Variants in PAQR5 observed in about 807,000 individuals in gnomAD.
The protein encoded by PAQR5 is progestin and adipoQ receptor family member 5, also known as membrane progestin receptor gamma.
A neutral mutation model predicts 34.5 loss-of-function variants in PAQR5; 20 were observed. The ratio of observed to expected loss-of-function variants is 0.58; its 90% CI spans 0.41 to 0.84. The LOEUF is 0.84. PAQR5 is among the 40% of genes least tolerant of loss of function. PAQR5 has a pLI of 0.00. For missense variants in PAQR5, 378 were observed against 412.7 expected, an observed-to-expected ratio of 0.92 and a Z score of 0.73; for synonymous variants, 131 against 155.6, an observed-to-expected ratio of 0.84 and a Z score of 1.18.
At chr15:69,394,101 GTTTTT>G (rs549479900) in intron 6 of PAQR5, among the ~76,000 whole-genome samples, 1 of 138,646 alleles carries the variant, frequency 7.2e-6, no homozygotes, top group Non-Finnish European at 1.5e-5. Context: ...ACCATTGATT[GTTTTT>G]TTTTTGTTTT....
chr15:69,302,710 A>G (rs11633153), intron 1 of PAQR5, among the ~76,000 whole-genome samples: 69,950 of 151,654 alleles, frequency 0.46, 18,905 homozygotes, highest in Middle Eastern at 0.62. Context: ...ACCTGGGGTT[A>G]GTCAGTTCTG....
At chr15:69,314,420 G>A (rs1432143961) in intron 1 of PAQR5, 1 of 152,144 alleles carries the variant, frequency 6.6e-6, no homozygotes, top group East Asian at 1.9e-4. Context: ...CAAGACCATG[G>A]CCTCTGGACC....
At chr15:69,380,538 G>A (rs902981192) in intron 4 of PAQR5, among the ~76,000 whole-genome samples, 34 of 152,196 alleles carry the variant, frequency 2.2e-4, no homozygotes, top group African/African-American at 8.2e-4. Context: ...GGAGGCACTT[G>A]GTCAGGCAGC....
chr15:69,400,121 TG>T lies in PAQR5; in HGVS notation c.751+9del. The T allele has an allele frequency of 6.2e-7, 1 of 1,610,910 alleles. No individual in the cohort carries two copies. Among genetic ancestry groups the T allele is most frequent in the Non-Finnish European group, 8.5e-7 (1 of 1,178,428 alleles). On this transcript the variant is annotated splice_region_variant and intron_variant, in intron 8 of 8. Coordinates refer to ENST00000395407, the MANE Select transcript of PAQR5 (RefSeq NM_017705.4). Reference sequence around the variant, plus strand: ...TGGACGCTTTGACTACATCGGTGAGTGGGCAACAGCCCTGCTGCTCTGCTCA... The same window carrying T: ...TGGACGCTTTGACTACATCGGTGAGTGGCAACAGCCCTGCTGCTCTGCTCA...
chr15:69,381,984 A>T (rs2055896527), intron 4 of PAQR5, among the ~76,000 whole-genome samples: 1 of 152,084 alleles, frequency 6.6e-6, no homozygotes. Flanking sequence ...TCATGCGTGG[A>T]TTGTAGGCCA....
At chr15:69,327,297 G>A (rs776823501) in intron 1 of PAQR5, among the ~76,000 whole-genome samples, 12 of 152,024 alleles carry the variant, frequency 7.9e-5, no homozygotes, top group Admixed American at 3.9e-4. Flanking sequence ...CACCACATGC[G>A]GATTGTTTTG....
At chr15:69,300,862 T>G (rs1253898351) in intron 1 of PAQR5, among the ~76,000 whole-genome samples, 939 of 21,232 alleles carry the variant, frequency 0.044, 277 homozygotes, top group African/African-American at 0.12. Context: ...TCTTTCTTTC[T>G]TTCTTTCTTT....
At chr15:69,309,250 G>A (rs1217469606) in intron 1 of PAQR5, among the ~76,000 whole-genome samples, 1 of 152,206 alleles carries the variant, frequency 6.6e-6, no homozygotes, top group Non-Finnish European at 1.5e-5. Flanking sequence ...GATGGAGAAC[G>A]AGTTCCAAGA....
In PAQR5 at chr15:69,389,763, C is replaced by A. The variant is rs778337025; in HGVS notation, c.495C>A (p.Gly165=). 1 of 1,614,034 alleles carries A rather than the reference C, an allele frequency of 6.2e-7. No individual in the cohort carries two copies. The highest frequency in any genetic ancestry group is 1.3e-5 in the African/African-American group (1 of 74,916). Residue 165 remains glycine, a synonymous_variant, in exon 6 of 9, where the codon GGC becomes GGA. Transcript: ENST00000395407. ...LAVLNTILST[G]LSCYSRFLEI... is the part of the protein sequence containing the mutation. ...TACTGAACACCATCCTCAGCACAGGCCTCTCCTGCTACTCCAGGTACTGGT... is the reference window on the plus strand; with the variant it reads ...TACTGAACACCATCCTCAGCACAGGACTCTCCTGCTACTCCAGGTACTGGT...
At position 69,360,074 on chromosome 15, in the gene PAQR5, C is replaced by G. The variant is rs1466519320; in HGVS notation, c.-7C>G. ...TCACCTACTGGCCTTGCCAATCCAGCTCCAAGATGCTGAGCCTGAAGCTCC... is the reference window on the plus strand; with the variant it reads ...TCACCTACTGGCCTTGCCAATCCAGGTCCAAGATGCTGAGCCTGAAGCTCC... On this transcript the variant is annotated 5_prime_UTR_variant, in exon 3 of 9. Transcript: ENST00000395407. 6.2e-7 allele frequency: 1 copy of G among 1,613,296 alleles called. No individual in the cohort carries two copies. The highest frequency in any genetic ancestry group is 8.5e-7 in the Non-Finnish European group (1 of 1,179,326).
chr15:69,317,457 C>A (rs914791022), intron 1 of PAQR5, among the ~76,000 whole-genome samples: 3 of 152,194 alleles, frequency 2.0e-5, no homozygotes, highest in Non-Finnish European at 4.4e-5. Flanking sequence ...CCGGTCCACC[C>A]CCCTACCCAG....
intron 3 of PAQR5, among the ~76,000 whole-genome samples, chr15:69,372,249 A>G (rs533624736): frequency 6.6e-6 from 1 of 152,318 alleles, no homozygotes; most frequent in South Asian, 2.1e-4. Flanking sequence ...TGCACGTAAA[A>G]AAAGCATTCT....
In PAQR5 at chr15:69,397,527, A is replaced by C; in HGVS notation, c.572A>C (p.Tyr191Ser). 1 of 1,613,568 alleles carries C rather than the reference A, an allele frequency of 6.2e-7. No homozygotes were observed. The highest frequency in any genetic ancestry group is 1.1e-5 in the South Asian group (1 of 91,054). ...GTGATTCGTGTCCTCGCCTTTGCTT[A>C]TCCGTACACCTGGGACTCCCTCCCC... is the stretch of plus-strand genomic sequence containing the variant. ...CKVIRVLAFA[Y>S]PYTWDSLPIF... Residue 191 changes from tyrosine to serine, a missense_variant, in exon 7 of 9, where the codon TAT (tyrosine) becomes TCT (serine). Physicochemically the swap from Tyr to Ser is moderately radical, Grantham distance 144. Transcript: ENST00000395407.
rs1048817820 is a variant in PAQR5 at position 69,406,645 on chromosome 15, G to A, written c.*2823G>A. On this transcript the variant is annotated 3_prime_UTR_variant, in exon 9 of 9. Transcript: ENST00000395407. Reference sequence around the variant, plus strand: ...GCACTTTGGGAGGCTGAAGTGGGAGGACTGCTTGGGCCCAAGAATTCAGGA... The same window carrying A: ...GCACTTTGGGAGGCTGAAGTGGGAGAACTGCTTGGGCCCAAGAATTCAGGA... 2.0e-5 allele frequency: 3 copies of A among 152,280 alleles called. No individual in the cohort carries two copies. Among genetic ancestry groups the A allele is most frequent in the African/African-American group, 4.8e-5 (2 of 41,440 alleles). 9.4% of individuals were successfully genotyped at this position (152,280 alleles called of 1,614,324 possible).
At chr15:69,354,217 A>G (rs148999686) in intron 2 of PAQR5, among the ~76,000 whole-genome samples, 1 of 152,238 alleles carries the variant, frequency 6.6e-6, no homozygotes, top group Admixed American at 6.5e-5. Context: ...GAGAATGCAG[A>G]TGGGTAGTAG....
intron 2 of PAQR5, among the ~76,000 whole-genome samples, chr15:69,347,143 A>T (rs2054795679): frequency 6.6e-6 from 1 of 152,144 alleles, no homozygotes; most frequent in Non-Finnish European, 1.5e-5. Context: ...TTTTTGACAA[A>T]CTTAAAGATT....
At chr15:69,363,286 C>T (rs1331103446) in intron 3 of PAQR5, among the ~76,000 whole-genome samples, 1 of 152,194 alleles carries the variant, frequency 6.6e-6, no homozygotes, top group Admixed American at 6.5e-5. Flanking sequence ...CCTCAGAAGG[C>T]AGAATTTGTG....
intron 6 of PAQR5, among the ~76,000 whole-genome samples, chr15:69,394,600 A>G (rs147596943): frequency 0.012 from 1,817 of 152,290 alleles, 99 homozygotes; most frequent in Admixed American, 0.099. Context: ...TTCTTAACGA[A>G]GGCTTCTCCC....
intron 1 of PAQR5, among the ~76,000 whole-genome samples, chr15:69,303,476 G>A (rs528632888): frequency 3.4e-4 from 51 of 152,120 alleles, no homozygotes; most frequent in Admixed American, 9.2e-4. Flanking sequence ...CTCTCCCAAG[G>A]CAGCCAATTC....
Sources: gnomAD v4.1 joint callset for allele counts (sites outside exome capture counted in the v4.1 genomes callset) on GRCh38, gnomAD v4.1.1 for gene constraint, MANE v1.5 for transcripts, NCBI Gene and HGNC (gene_info 2026-07-23, HGNC 2026-07-21) for gene names.